The following KCNH8 variants were observed in gnomAD, a reference collection of about 807,000 sequenced individuals.
The protein encoded by KCNH8 is potassium voltage-gated channel subfamily H member 8.
A neutral mutation model predicts 103.6 loss-of-function variants in KCNH8; 70 were observed. The observed-to-expected ratio is 0.68, with a 90% CI of 0.56 to 0.82. The LOEUF is 0.82. KCNH8 is among the 40% of genes least tolerant of loss of function. KCNH8 has a pLI of 0.00. For synonymous variants in KCNH8, 498 were observed against 489.4 expected (o/e 1.02, Z -0.23); for missense variants, 1,217 against 1,329.9 (o/e 0.92, Z 1.32).
intron 5 of KCNH8, among the ~76,000 whole-genome samples, chr3:19,380,798 A>G (rs1284329899): frequency 2.0e-5 from 3 of 152,216 alleles, no homozygotes; most frequent in Non-Finnish European, 4.4e-5. Context: ...GCTTGATACT[A>G]TTGATCTTTT....
At chr3:19,264,241 A>T (rs568764483) in intron 2 of KCNH8, among the ~76,000 whole-genome samples, 6 of 152,234 alleles carry the variant, frequency 3.9e-5, no homozygotes, top group African/African-American at 1.2e-4. Flanking sequence ...GCAGAAAGGC[A>T]AAGGGTTGAG....
At chr3:19,343,233 T>C (rs371206373) in intron 4 of KCNH8, among the ~76,000 whole-genome samples, 8 of 152,270 alleles carry the variant, frequency 5.3e-5, no homozygotes, top group African/African-American at 1.9e-4. Flanking sequence ...GATTTACAAT[T>C]GCATACCATA....
chr3:19,166,526 G>A (rs1157907047), intron 1 of KCNH8, among the ~76,000 whole-genome samples: 5 of 152,032 alleles, frequency 3.3e-5, no homozygotes, highest in Admixed American at 2.0e-4. Context: ...GTAGTACATA[G>A]TCCAAACTTC....
chr3:19,294,846 A>G (rs1244175847), intron 3 of KCNH8, among the ~76,000 whole-genome samples: 3 of 152,194 alleles, frequency 2.0e-5, no homozygotes, highest in Non-Finnish European at 4.4e-5. Flanking sequence ...TTTGAAAGAA[A>G]AATTTAAAAT....
chr3:19,261,244 C>T (rs1266362861), intron 2 of KCNH8, among the ~76,000 whole-genome samples: 2 of 151,608 alleles, frequency 1.3e-5, no homozygotes, highest in African/African-American at 2.4e-5. Flanking sequence ...CTTTTCTCTG[C>T]ACCCCTGCCA....
At chr3:19,292,927 C>T (rs1259615808) in intron 3 of KCNH8, among the ~76,000 whole-genome samples, 1 of 152,166 alleles carries the variant, frequency 6.6e-6, no homozygotes, top group African/African-American at 2.4e-5. Context: ...AACTTTGTCA[C>T]GTGGCCATGG....
intron 4 of KCNH8, chr3:19,346,879 C>T: frequency 5.8e-6 from 2 of 342,242 alleles, no homozygotes; most frequent in Non-Finnish European, 1.2e-5. Context: ...GTCAAATTTC[C>T]ACACATGCTA....
chr3:19,320,967 G>T (rs1295347347), intron 3 of KCNH8, among the ~76,000 whole-genome samples: 1 of 151,644 alleles, frequency 6.6e-6, no homozygotes, highest in Admixed American at 6.6e-5. Flanking sequence ...GTTTATGCAC[G>T]TAAAAAAGGT....
chr3:19,367,218 A>T lies in KCNH8; in HGVS notation c.811+19253A>T, dbSNP rs2066023933. On this transcript the variant is annotated intron_variant, in intron 5 of 15. Transcript: ENST00000328405. Reference sequence around the variant, plus strand: ...CCTTAGTTCCTCTTTACGCAATTAAATTTTTCTTATCCTTGAAGTATCATC... The same window carrying T: ...CCTTAGTTCCTCTTTACGCAATTAATTTTTTCTTATCCTTGAAGTATCATC... 2.6e-5 allele frequency among the ~76,000 whole-genome samples: 4 copies of T among 151,588 alleles called. No homozygotes were observed. In the South Asian group the frequency reaches 8.3e-4, roughly 32 times the overall value.
chr3:19,276,175 A>ATGTGTGTGTGTGTGTGTGTGTGTG (rs59768467), intron 2 of KCNH8, among the ~76,000 whole-genome samples: 1 of 141,878 alleles, frequency 7.0e-6, no homozygotes, highest in Admixed American at 7.2e-5. Flanking sequence ...CAATATGTAT[A>ATGTGTGTGTGTGTGTGTGTGTGTG]TGTGTGTGTG....
intron 11 of KCNH8, among the ~76,000 whole-genome samples, chr3:19,469,067 T>A (rs1029276460): frequency 6.6e-6 from 1 of 152,250 alleles, no homozygotes; most frequent in African/African-American, 2.4e-5. Flanking sequence ...ACAGCCCAGA[T>A]ACTTAATTCT....
intron 11 of KCNH8, among the ~76,000 whole-genome samples, chr3:19,461,508 C>T (rs1039618048): frequency 2.0e-5 from 3 of 152,090 alleles, no homozygotes; most frequent in African/African-American, 7.2e-5. Flanking sequence ...CAAAAATATC[C>T]AGTCACACAG....
intron 1 of KCNH8, among the ~76,000 whole-genome samples, chr3:19,199,755 T>C (rs1313499200): frequency 6.6e-6 from 1 of 151,930 alleles, no homozygotes; most frequent in Non-Finnish European, 1.5e-5. Flanking sequence ...GAGTAAAATA[T>C]GTAAATCACT....
intron 15 of KCNH8, among the ~76,000 whole-genome samples, chr3:19,525,207 T>C (rs988313760): frequency 7.9e-5 from 12 of 151,978 alleles, no homozygotes; most frequent in Non-Finnish European, 1.6e-4. Context: ...TTTTTGTCAA[T>C]TTAAAAAATC....
At chr3:19,478,898 T>A (rs1052479457) in intron 11 of KCNH8, among the ~76,000 whole-genome samples, 3 of 152,110 alleles carry the variant, frequency 2.0e-5, no homozygotes, top group African/African-American at 4.8e-5. Flanking sequence ...AGAAGCAGCC[T>A]AGGTCCCTGA....
chr3:19,406,197 A>G (rs527916413), intron 7 of KCNH8, among the ~76,000 whole-genome samples: 1 of 152,230 alleles, frequency 6.6e-6, no homozygotes, highest in Non-Finnish European at 1.5e-5. Flanking sequence ...TAGTCTTTAT[A>G]TTCTTTCAGG....
intron 1 of KCNH8, among the ~76,000 whole-genome samples, chr3:19,164,328 A>C (rs1230115515): frequency 2.0e-5 from 3 of 152,186 alleles, no homozygotes; most frequent in Non-Finnish European, 4.4e-5. Context: ...TCTTCCTTCA[A>C]ATTTACTGTG....
intron 1 of KCNH8, among the ~76,000 whole-genome samples, chr3:19,164,547 A>G (rs1050438167): frequency 1.3e-5 from 2 of 152,206 alleles, no homozygotes; most frequent in Non-Finnish European, 2.9e-5. Context: ...TTTTGTAAGT[A>G]GTGAAGCTGG....
intron 6 of KCNH8, among the ~76,000 whole-genome samples, chr3:19,391,424 C>T (rs901415600): frequency 9.9e-5 from 15 of 151,934 alleles, no homozygotes; most frequent in Admixed American, 1.3e-4. Context: ...GCTAGAGTAA[C>T]CAATTACGGC....
Sources: allele counts gnomAD v4.1 joint callset (sites outside exome capture counted in the v4.1 genomes callset), GRCh38; gene constraint gnomAD v4.1.1; transcripts MANE v1.5; gene names NCBI Gene and HGNC (gene_info 2026-07-23, HGNC 2026-07-21).